The following CTNNA3 variants were observed in gnomAD, a reference collection of about 807,000 sequenced individuals.
CTNNA3 encodes catenin alpha 3, also known as catenin alpha-3.
Under a neutral mutation model 95.7 loss-of-function variants are expected in CTNNA3, and 76 were observed. The ratio of observed to expected loss-of-function variants is 0.79; its 90% CI spans 0.66 to 0.96. The LOEUF (loss-of-function observed/expected upper bound fraction) is 0.96, where lower values mean the gene tolerates loss of function less well. Ranked by LOEUF, CTNNA3 falls within the 40% of genes least tolerant of loss-of-function variation. The probability of loss-of-function intolerance (pLI) is 0.00; values close to 1 mark genes in which losing one functional copy is unlikely to be tolerated. For missense variants in CTNNA3, 1,191 were observed against 1,089.8 expected (o/e 1.09, Z -1.31); for synonymous variants, 431 against 374.4 (o/e 1.15, Z -1.74).
chr10:67,271,328 T>A (rs748323945), intron 5 of CTNNA3, among the ~76,000 whole-genome samples: 1 of 152,110 alleles, frequency 6.6e-6, no homozygotes, highest in Admixed American at 6.6e-5. Context: ...TGATAGTGAG[T>A]TCGTTCTCAG....
rs1165133918 is a variant in CTNNA3, at chr10:65,917,214, C to T, written c.*3116G>A. On this transcript the variant is annotated 3_prime_UTR_variant, in exon 18 of 18. Coordinates refer to ENST00000433211, the MANE Select transcript of CTNNA3 (RefSeq NM_013266.4). ...TATATTGTCTTTTCTAATACATTTG[C>T]AATTTGCACTCATATAATAAATAAT... The T allele has an allele frequency of 3.3e-5, 5 of 152,068 alleles. No homozygotes were observed. Among genetic ancestry groups the T allele is most frequent in the Non-Finnish European group, 7.4e-5 (5 of 67,994 alleles). The allele number at this position is 152,068 out of a possible 1,614,324, so 9.4% of individuals were successfully genotyped here. A position where few individuals can be genotyped will look rare whatever the true frequency, so the allele number is the denominator to read the frequency against.
At chr10:67,551,556 G>A (rs549281609) in intron 3 of CTNNA3, among the ~76,000 whole-genome samples, 7 of 152,292 alleles carry the variant, frequency 4.6e-5, no homozygotes, top group South Asian at 2.1e-4. Flanking sequence ...AACGCAAGCC[G>A]TCTACGGATG....
intron 2 of CTNNA3, among the ~76,000 whole-genome samples, chr10:67,637,129 G>T (rs562960884): frequency 5.9e-5 from 9 of 152,192 alleles, no homozygotes; most frequent in African/African-American, 1.7e-4. Flanking sequence ...AAGATTAAAC[G>T]AATGGCTAAC....
chr10:66,487,951 TA>T (rs1270786970), intron 11 of CTNNA3, among the ~76,000 whole-genome samples: 1 of 152,132 alleles, frequency 6.6e-6, no homozygotes, highest in Non-Finnish European at 1.5e-5. Flanking sequence ...GTAAGTGCCG[TA>T]AACCAACCTC....
chr10:66,729,429 C>T (rs1258230006), intron 9 of CTNNA3, among the ~76,000 whole-genome samples: 1 of 152,190 alleles, frequency 6.6e-6, no homozygotes, highest in African/African-American at 2.4e-5. Context: ...TGCCATTTGA[C>T]CCAGCAATCC....
chr10:66,702,292 T>C (rs576134769), intron 9 of CTNNA3, among the ~76,000 whole-genome samples: 2 of 152,158 alleles, frequency 1.3e-5, no homozygotes, highest in South Asian at 4.1e-4. Flanking sequence ...TACTGTGTGC[T>C]GATTTTTTTT....
At chr10:67,529,339 T>G (rs1840247474) in intron 4 of CTNNA3, among the ~76,000 whole-genome samples, 1 of 151,908 alleles carries the variant, frequency 6.6e-6, no homozygotes, top group South Asian at 2.1e-4. Flanking sequence ...ATGCTTGAGG[T>G]GATGGATATT....
At chr10:67,371,358 T>C (rs1055041769) in intron 5 of CTNNA3, among the ~76,000 whole-genome samples, 9 of 151,406 alleles carry the variant, frequency 5.9e-5, no homozygotes, top group African/African-American at 2.2e-4. Flanking sequence ...TAGGTATATC[T>C]CCTAATGCTA....
chr10:66,847,641 C>A (rs1589327341), intron 7 of CTNNA3, among the ~76,000 whole-genome samples: 1 of 151,986 alleles, frequency 6.6e-6, no homozygotes, highest in African/African-American at 2.4e-5. Context: ...TATAGTAATG[C>A]TGGGTCTAAT....
chr10:66,484,319 A>G (rs1437443743), intron 11 of CTNNA3, among the ~76,000 whole-genome samples: 1 of 151,964 alleles, frequency 6.6e-6, no homozygotes, highest in Non-Finnish European at 1.5e-5. Flanking sequence ...ACTGTTCCAA[A>G]TTTTCTTTGA....
chr10:67,344,133 T>C (rs775275437), intron 5 of CTNNA3, among the ~76,000 whole-genome samples: 4 of 151,908 alleles, frequency 2.6e-5, no homozygotes, highest in Non-Finnish European at 4.4e-5. Context: ...ATATGATATA[T>C]CACATTGATT....
intron 4 of CTNNA3, 116 bp from the exon 5 acceptor site, chr10:67,522,077 T>G: frequency 1.1e-6 from 1 of 929,048 alleles, no homozygotes; most frequent in Non-Finnish European, 1.6e-6. Flanking sequence ...CATAATACAG[T>G]GATAACAAAT....
chr10:66,072,617 G>C (rs2080464148), intron 14 of CTNNA3, among the ~76,000 whole-genome samples: 1 of 151,904 alleles, frequency 6.6e-6, no homozygotes. Flanking sequence ...GCTAATTTTT[G>C]TATATTTAGT....
intron 7 of CTNNA3, among the ~76,000 whole-genome samples, chr10:67,106,760 G>C (rs1305426084): frequency 6.6e-6 from 1 of 152,120 alleles, no homozygotes; most frequent in African/African-American, 2.4e-5. Flanking sequence ...CCAATGCTAA[G>C]TTCAAAATTC....
chr10:66,475,090 A>C (rs1839276285), intron 11 of CTNNA3, among the ~76,000 whole-genome samples: 1 of 151,924 alleles, frequency 6.6e-6, no homozygotes, highest in Non-Finnish European at 1.5e-5. Context: ...AGTTTCATGT[A>C]ACTTAAGTTG....
chr10:66,301,915 C>T (rs889740398), intron 12 of CTNNA3, among the ~76,000 whole-genome samples: 1 of 151,894 alleles, frequency 6.6e-6, no homozygotes, highest in African/African-American at 2.4e-5. Context: ...GTAGATGACA[C>T]GATTGTCTAT....
At chr10:65,978,860 T>C (rs2078261866) in intron 16 of CTNNA3, among the ~76,000 whole-genome samples, 1 of 152,170 alleles carries the variant, frequency 6.6e-6, no homozygotes, top group African/African-American at 2.4e-5. Flanking sequence ...GCTATGCCTA[T>C]GACAGCTGCT....
intron 5 of CTNNA3, among the ~76,000 whole-genome samples, chr10:67,440,451 C>T (rs1164591839): frequency 1.3e-5 from 2 of 152,184 alleles, no homozygotes; most frequent in Non-Finnish European, 2.9e-5. Context: ...ACCTAGCTGG[C>T]TTCCGAACCT....
At chr10:67,726,059 A>C (rs1182297358) in intron 1 of CTNNA3, among the ~76,000 whole-genome samples, 1 of 128,390 alleles carries the variant, frequency 7.8e-6, no homozygotes, top group Non-Finnish European at 1.6e-5. Context: ...TTATTAATAT[A>C]AAAAATAAAT....
Sources: gnomAD v4.1 joint callset for allele counts (sites outside exome capture counted in the v4.1 genomes callset) on GRCh38, gnomAD v4.1.1 for gene constraint, MANE v1.5 for transcripts, NCBI Gene and HGNC (gene_info 2026-07-23, HGNC 2026-07-21) for gene names.